NAV1: variants seen among roughly 807,000 people sequenced by gnomAD.
NAV1 encodes pore membrane and/or filament interacting like protein 3.
A neutral mutation model predicts 175.2 loss-of-function variants in NAV1; 18 were observed. That is an observed-to-expected ratio of 0.10 (90% CI 0.07 to 0.15). The LOEUF is 0.15. Among genes scored for constraint, NAV1 ranks in the 10% least tolerant of loss-of-function variants. The pLI, the probability that NAV1 is intolerant of heterozygous loss-of-function variation, is 1.00. For synonymous variants in NAV1, 897 were observed against 978.7 expected, an observed-to-expected ratio of 0.92 and a Z score of 1.56; for missense variants, 1,731 against 2,436.6, an observed-to-expected ratio of 0.71 and a Z score of 6.10.
At chr1:201,685,632 T>C (rs114966039) in intron 1 of NAV1, among the ~76,000 whole-genome samples, 1,805 of 152,338 alleles carry the variant, frequency 0.012, 39 homozygotes, top group African/African-American at 0.041. Flanking sequence ...TGACAGTCCC[T>C]GCCTGTCCCC....
chr1:201,607,194 C>A (rs1056344566), intron 2 of NAV1, among the ~76,000 whole-genome samples: 2 of 150,258 alleles, frequency 1.3e-5, no homozygotes, highest in African/African-American at 4.9e-5. Flanking sequence ...CAGCTCACTG[C>A]AACCTTCACC....
rs779513029 is a variant in NAV1, at chr1:201,808,123, G to C, written c.3819G>C (p.Ser1273=). ...CACCCTCCATCAAGTCCTCCACCTC[G>C]TCCTCCGTGGGCACTGATGTCACCG... The change falls in exon 18 of 30, where the codon TCG becomes TCC. Residue 1273 remains serine (S), a synonymous_variant. Transcript: ENST00000367296. This position sits in a 1 kb window ranked among gnomAD's most constrained non-coding sequence, Gnocchi z 5.5. 5 of 1,613,984 alleles carry C rather than the reference G, an allele frequency of 3.1e-6. No individual in the cohort carries two copies. The African/African-American group carries it at 5.3e-5, about 17-fold the overall frequency.
chr1:201,803,704 A>T, exon 16 of NAV1: 1 of 1,585,118 alleles, frequency 6.3e-7, no homozygotes, highest in Non-Finnish European at 8.5e-7. Flanking sequence ...AAGAAGAAAA[A>T]AAAGAGTTGG....
At chr1:201,728,418 C>A (rs1221915842) in intron 3 of NAV1, among the ~76,000 whole-genome samples, 1 of 151,848 alleles carries the variant, frequency 6.6e-6, no homozygotes, top group Non-Finnish European at 1.5e-5. Flanking sequence ...ATGGTGAAAC[C>A]CCGCCTCTAC....
rs1673368371 is a variant in NAV1, at chr1:201,740,749, G to A, written c.1226+21994G>A. On this transcript the variant is annotated intron_variant, in intron 3 of 29. Coordinates refer to ENST00000367296, the Ensembl canonical transcript of NAV1. This position sits in a 1 kb window ranked among gnomAD's most constrained non-coding sequence, Gnocchi z 4.7. ...TGGGGAGACGCACAGTGAGGGACTG[G>A]TCGTGTAAGGTGAGGGCAAGGCACA... is the stretch of plus-strand genomic sequence containing the variant. Among the ~76,000 whole-genome samples the A allele has an allele frequency of 1.3e-5, 2 of 152,138 alleles. No homozygotes were observed. Among genetic ancestry groups the A allele is most frequent in the African/African-American group, 2.4e-5 (1 of 41,398 alleles).
chr1:201,788,374 G>A lies in NAV1; in HGVS notation c.2996-94G>A. 1.5e-6 allele frequency: 2 copies of A among 1,348,290 alleles called. No homozygotes were observed. Among genetic ancestry groups the A allele is most frequent in the Non-Finnish European group, 1.1e-6 (1 of 951,876 alleles). 83.5% of individuals were successfully genotyped at this position (1,348,290 alleles called of 1,614,324 possible). ...CCCATTTGCCTCTCATGCTCCCGGT[G>A]CTCCATCCCCCAAGGGCCCGGAGAG... On this transcript the variant is annotated intron_variant, in intron 9 of 29. Transcript: ENST00000367296. The surrounding 1 kb of genome is among the most constrained non-coding windows in gnomAD (Gnocchi z 5.7).
upstream of NAV1, among the ~76,000 whole-genome samples, chr1:201,644,401 C>A (rs549363371): frequency 1.3e-5 from 2 of 152,322 alleles, no homozygotes; most frequent in African/African-American, 4.8e-5. Flanking sequence ...CAGCAGAGTG[C>A]TCCCACTGCA....
intron 3 of NAV1, among the ~76,000 whole-genome samples, chr1:201,765,381 CTTTTTTTTTTTTTT>C: frequency 1.0e-5 from 1 of 98,598 alleles, no homozygotes; most frequent in Non-Finnish European, 1.9e-5. Flanking sequence ...AGGAAATATT[CTTTTTTTTTTTTTT>C]TTTTTTTTCT....
chr1:201,562,781 G>A (rs562249560), intron 1 of NAV1, among the ~76,000 whole-genome samples: 1 of 152,254 alleles, frequency 6.6e-6, no homozygotes, highest in Admixed American at 6.5e-5. Context: ...GGGCCTGGTG[G>A]ATGGAAGGGA....
chr1:201,634,435 G>A (rs978089157), intron 2 of NAV1, among the ~76,000 whole-genome samples: 1 of 152,126 alleles, frequency 6.6e-6, no homozygotes, highest in East Asian at 1.9e-4. Flanking sequence ...TTAACCATAC[G>A]TTCTATGACC....
At chr1:201,564,661 C>T (rs1009829659) in intron 1 of NAV1, among the ~76,000 whole-genome samples, 8 of 152,184 alleles carry the variant, frequency 5.3e-5, no homozygotes, top group Non-Finnish European at 8.8e-5. Flanking sequence ...GTTTTCTAGG[C>T]TGCTGTAACA....
intron 1 of NAV1, among the ~76,000 whole-genome samples, chr1:201,562,905 G>T (rs908949859): frequency 6.6e-6 from 1 of 152,176 alleles, no homozygotes; most frequent in South Asian, 2.1e-4. Context: ...TGGATCACGG[G>T]ATCTGTCTGA....
intron 3 of NAV1, among the ~76,000 whole-genome samples, chr1:201,720,131 C>A (rs1261048987): frequency 6.6e-6 from 1 of 152,236 alleles, no homozygotes; most frequent in Non-Finnish European, 1.5e-5. Context: ...TGAGCTCCTT[C>A]TGTGGTCAGA....
chr1:201,824,109 T>G (rs1201920013), exon 30 of NAV1: 1 of 152,158 alleles, frequency 6.6e-6, no homozygotes, highest in Non-Finnish European at 1.5e-5. Context: ...AATCACACAT[T>G]TAACACAGGG....
At chr1:201,569,669 G>A (rs1569406) in intron 1 of NAV1, among the ~76,000 whole-genome samples, 19,269 of 152,236 alleles carry the variant, frequency 0.13, 1,457 homozygotes, top group Non-Finnish European at 0.16. Context: ...GCATCACTTT[G>A]CTGGGGCTGC....
At chr1:201,703,418 T>G (rs567617926) in intron 1 of NAV1, among the ~76,000 whole-genome samples, 3 of 152,194 alleles carry the variant, frequency 2.0e-5, no homozygotes, top group Non-Finnish European at 4.4e-5. Context: ...TAACCTATCA[T>G]TCTGATCCTA....
intron 1 of NAV1, among the ~76,000 whole-genome samples, chr1:201,579,351 T>C (rs1026177212): frequency 6.6e-6 from 1 of 152,108 alleles, no homozygotes; most frequent in Non-Finnish European, 1.5e-5. Context: ...AGGTCCCTAC[T>C]TCATCCACCC....
intron 1 of NAV1, among the ~76,000 whole-genome samples, chr1:201,565,491 C>T (rs1243284829): frequency 1.3e-5 from 2 of 152,220 alleles, no homozygotes; most frequent in East Asian, 3.9e-4. Flanking sequence ...CGGCTGCCAG[C>T]AGCGGGCATG....
chr1:201,812,044 G>C lies in NAV1; in HGVS notation c.5024+70G>C. On this transcript the variant is annotated intron_variant, in intron 26 of 29. Transcript: ENST00000367296. This position sits in a 1 kb window ranked among gnomAD's most constrained non-coding sequence, Gnocchi z 4.6. Reference sequence around the variant, plus strand: ...GTCTTCAATCCTGGACTCTGGCCAGGAGGCAGTAGATAGGAGAAGGAAAGA... The same window carrying C: ...GTCTTCAATCCTGGACTCTGGCCAGCAGGCAGTAGATAGGAGAAGGAAAGA... 3 of 1,420,478 alleles carry C rather than the reference G, an allele frequency of 2.1e-6. No individual in the cohort carries two copies. The highest frequency in any genetic ancestry group is 3.0e-6 in the Non-Finnish European group (3 of 1,004,132). 88.0% of individuals were successfully genotyped at this position (1,420,478 alleles called of 1,614,324 possible).
Sources: allele counts gnomAD v4.1 joint callset (sites outside exome capture counted in the v4.1 genomes callset), GRCh38; gene constraint gnomAD v4.1.1; non-coding constraint Gnocchi (gnomAD v3.1); transcripts MANE v1.5; gene names NCBI Gene and HGNC (gene_info 2026-07-23, HGNC 2026-07-21).